ACSL4: variants seen among roughly 807,000 people sequenced by gnomAD.
The protein encoded by ACSL4 is acyl-CoA synthetase long chain family member 4.
Under a neutral mutation model 49.1 loss-of-function variants are expected in ACSL4, and 9 were observed. The observed-to-expected ratio is 0.18, with a 90% CI of 0.11 to 0.32. The LOEUF (loss-of-function observed/expected upper bound fraction) is 0.32, where lower values mean the gene tolerates loss of function less well. Among genes scored for constraint, ACSL4 ranks in the 10% least tolerant of loss-of-function variants. The pLI, the probability that ACSL4 is intolerant of heterozygous loss-of-function variation, is 1.00. For missense variants in ACSL4, 333 were observed against 493.7 expected (o/e 0.67, Z 3.08); for synonymous variants, 191 against 170.3 (o/e 1.12, Z -0.95).
chrX:109,659,879 C>A (rs914206362), intron 14 of ACSL4, among the ~76,000 whole-genome samples: 1 of 110,020 alleles, frequency 9.1e-6, no homozygotes, highest in African/African-American at 3.3e-5. Context: ...CAAAATGGAT[C>A]AAAAATCTAA....
At chrX:109,692,296 A>G (rs1365329324) in intron 2 of ACSL4, 1 of 111,929 alleles carries the variant, frequency 8.9e-6, no homozygotes, top group African/African-American at 3.2e-5. Context: ...CACACTTCAC[A>G]TACACTGTGT....
chrX:109,706,376 G>T (rs1276265210), intron 1 of ACSL4, among the ~76,000 whole-genome samples: 1 of 112,045 alleles, frequency 8.9e-6, no homozygotes, highest in Admixed American at 9.5e-5. Flanking sequence ...CTAGATAAAA[G>T]ATGAATGTGA....
At chrX:109,671,116 C>T (rs868089987) in intron 9 of ACSL4, among the ~76,000 whole-genome samples, 2 of 108,755 alleles carry the variant, frequency 1.8e-5, no homozygotes, top group African/African-American at 3.4e-5. Context: ...CCCCTCTGCC[C>T]GGCCGCCCAG....
At chrX:109,723,523 T>C (rs767551423) in intron 1 of ACSL4, among the ~76,000 whole-genome samples, 42 of 111,728 alleles carry the variant, frequency 3.8e-4, no homozygotes, top group African/African-American at 1.2e-3. Flanking sequence ...ACTTTGGAAC[T>C]CCTATGTCAG....
chrX:109,678,245 A>G lies in ACSL4; in HGVS notation c.806+20T>C. The stretch of plus-strand genomic sequence containing the variant: ...ACATGAACTCTGATTTCTAAGAAGA[A>G]AGTTAAAGAATTATCTTACCCCAGT... On this transcript the variant is annotated intron_variant, in intron 7 of 15. Coordinates refer to ENST00000672401, the MANE Select transcript of ACSL4 (RefSeq NM_001318510.2). 1 of 1,211,466 alleles carries G rather than the reference A, an allele frequency of 8.3e-7. No individual in the cohort carries two copies. The highest frequency in any genetic ancestry group is 1.7e-5 in the African/African-American group (1 of 57,854).
At chrX:109,644,868 G>A (rs943590477) in intron 15 of ACSL4, among the ~76,000 whole-genome samples, 1 of 113,332 alleles carries the variant, frequency 8.8e-6, no homozygotes, top group Non-Finnish European at 1.9e-5. Context: ...CCTCACTCGG[G>A]AAGCACAAGG....
At chrX:109,655,633 A>T (rs193275906) in intron 15 of ACSL4, among the ~76,000 whole-genome samples, 7 of 111,415 alleles carry the variant, frequency 6.3e-5, no homozygotes, top group Admixed American at 5.7e-4. Context: ...CATTTCCCAG[A>T]ACTGAAGGGC....
intron 12 of ACSL4, among the ~76,000 whole-genome samples, chrX:109,663,618 AC>A (rs1183957515): frequency 9.0e-6 from 1 of 111,223 alleles, no homozygotes; most frequent in Non-Finnish European, 1.9e-5. Flanking sequence ...ACCAACAATC[AC>A]CCATCTCAAA....
At chrX:109,667,305 T>C (rs1280064406) in intron 11 of ACSL4, among the ~76,000 whole-genome samples, 1 of 112,637 alleles carries the variant, frequency 8.9e-6, no homozygotes, top group Non-Finnish European at 1.9e-5. Context: ...GGTGAGCCCA[T>C]AAACATCTGC....
chrX:109,723,854 C>T (rs1364024931), intron 1 of ACSL4, among the ~76,000 whole-genome samples: 1 of 112,380 alleles, frequency 8.9e-6, no homozygotes, highest in Non-Finnish European at 1.9e-5. Flanking sequence ...ATGCAAATGC[C>T]TATTTGTTAA....
intron 9 of ACSL4, among the ~76,000 whole-genome samples, chrX:109,672,197 G>A (rs1198472564): frequency 9.4e-6 from 1 of 106,247 alleles, no homozygotes; most frequent in East Asian, 2.9e-4. Flanking sequence ...CTCTACATCT[G>A]TGACAGAATC....
At chrX:109,732,973 T>C (rs763878750) in intron 1 of ACSL4, 166 bp downstream of exon 1, 6 of 324,049 alleles carry the variant, frequency 1.9e-5, no homozygotes, top group South Asian at 5.3e-5. Flanking sequence ...AGCGGATAGA[T>C]AGCCCTGGCT....
chrX:109,670,016 G>A (rs775146261), intron 9 of ACSL4, among the ~76,000 whole-genome samples: 1 of 110,975 alleles, frequency 9.0e-6, no homozygotes, highest in East Asian at 2.8e-4. Context: ...CCAGGTTTAA[G>A]ATATACCGAC....
At chrX:109,673,331 T>C (rs1923425332) in intron 9 of ACSL4, among the ~76,000 whole-genome samples, 1 of 111,767 alleles carries the variant, frequency 8.9e-6, no homozygotes, top group South Asian at 3.8e-4. Flanking sequence ...TTGGGGCAAC[T>C]TTCCTTCTTT....
chrX:109,723,249 A>G (rs1045002149), intron 1 of ACSL4, among the ~76,000 whole-genome samples: 4 of 111,361 alleles, frequency 3.6e-5, no homozygotes, highest in Non-Finnish European at 7.5e-5. Flanking sequence ...TTTTGCTATA[A>G]TAGTAATCTG....
intron 1 of ACSL4, among the ~76,000 whole-genome samples, chrX:109,726,075 C>A (rs1018531182): frequency 3.6e-5 from 4 of 111,881 alleles, no homozygotes; most frequent in Admixed American, 9.5e-5. Context: ...CAATCTCCCC[C>A]ACTCATATAT....
At chrX:109,660,249 C>G (rs1210779353) in intron 14 of ACSL4, among the ~76,000 whole-genome samples, 1 of 110,852 alleles carries the variant, frequency 9.0e-6, no homozygotes, top group African/African-American at 3.3e-5. Flanking sequence ...AACAAAAAAC[C>G]AAATAGCTCA....
chrX:109,678,662 G>T (rs111369497), intron 6 of ACSL4, among the ~76,000 whole-genome samples: 2,870 of 111,364 alleles, frequency 0.026, 85 homozygotes, highest in African/African-American at 0.086. Context: ...AGACTCTGTC[G>T]CTACAAAAAC....
At chrX:109,722,245 T>A (rs916888045) in intron 1 of ACSL4, among the ~76,000 whole-genome samples, 5 of 112,299 alleles carry the variant, frequency 4.5e-5, no homozygotes, top group African/African-American at 1.6e-4. Context: ...CAAATACTTC[T>A]AGATGACAAG....
Sources: gnomAD v4.1 joint callset for allele counts (sites outside exome capture counted in the v4.1 genomes callset) on GRCh38, gnomAD v4.1.1 for gene constraint, MANE v1.5 for transcripts, NCBI Gene and HGNC (gene_info 2026-07-23, HGNC 2026-07-21) for gene names.